Variants in REC114 observed in about 807,000 individuals in gnomAD.
REC114 encodes the protein meiotic recombination protein REC114.
REC114 carries 27 observed loss-of-function variants against 31.3 expected under a neutral mutation model. The observed-to-expected ratio is 0.86, with a 90% CI of 0.64 to 1.19. The LOEUF (loss-of-function observed/expected upper bound fraction) is 1.19. Ranked by LOEUF, REC114 falls within the 50% of genes most tolerant of loss-of-function variation. The pLI, the probability that REC114 is intolerant of heterozygous loss-of-function variation, is 0.00. For synonymous variants in REC114, 134 were observed against 127.7 expected, an observed-to-expected ratio of 1.05 and a Z score of -0.33; for missense variants, 344 against 326.9, an observed-to-expected ratio of 1.05 and a Z score of -0.40.
intron 2 of REC114, among the ~76,000 whole-genome samples, chr15:73,488,389 T>A (rs1215788402): frequency 6.6e-6 from 1 of 152,204 alleles, no homozygotes; most frequent in African/African-American, 2.4e-5. Context: ...GCTGAGAATT[T>A]TCCAAATCTT....
chr15:73,478,224 A>T (rs1893241344), intron 2 of REC114, among the ~76,000 whole-genome samples: 1 of 141,188 alleles, frequency 7.1e-6, no homozygotes. Flanking sequence ...ACACGGTGCC[A>T]CTGCACTCCA....
At chr15:73,527,062 T>C (rs528867330) in intron 2 of REC114, among the ~76,000 whole-genome samples, 1 of 152,256 alleles carries the variant, frequency 6.6e-6, no homozygotes, top group South Asian at 2.1e-4. Flanking sequence ...TCCTCCCATC[T>C]TGGGCTTCCA....
Position 73,473,066 on chromosome 15 carries a change from C to T in REC114, c.160-766C>T, listed in dbSNP as rs187627999. Among the ~76,000 whole-genome samples the T allele has an allele frequency of 4.1e-3, 630 of 152,118 alleles. 3 individuals carry two copies. The highest frequency in any genetic ancestry group is 6.8e-3 in the Non-Finnish European group (460 of 67,990). ...TGACACTGACAAACTAGAGCTCATC[C>T]AAAGGAAAGCACCAGATGTTAAGGG... is the stretch of plus-strand genomic sequence containing the variant. On this transcript the variant is annotated intron_variant, in intron 1 of 5. Coordinates refer to ENST00000331090, the MANE Select transcript of REC114 (RefSeq NM_001042367.2).
Position 73,550,920 on chromosome 15 carries a change from TTTTGA to T in REC114, c.334-13_334-9del, listed in dbSNP as rs1447272237. 7 of 1,612,502 alleles carry T rather than the reference TTTTGA, an allele frequency of 4.3e-6. No homozygotes were observed. The highest frequency in any genetic ancestry group is 1.3e-5 in the African/African-American group (1 of 74,882). Reference sequence around the variant, plus strand: ...TATGATGAGGGTCTCTCATGATAACTTTTGATTTGTCAAACAGGACAAGAGTCGCC... The same window carrying T: ...TATGATGAGGGTCTCTCATGATAACTTTTGTCAAACAGGACAAGAGTCGCC... On this transcript the variant is annotated splice_polypyrimidine_tract_variant and intron_variant, in intron 3 of 5. Transcript: ENST00000331090.
intron 2 of REC114, among the ~76,000 whole-genome samples, chr15:73,476,460 A>G (rs1338315726): frequency 2.0e-5 from 3 of 152,150 alleles, no homozygotes; most frequent in Admixed American, 6.6e-5. Flanking sequence ...TGCCTTTTTT[A>G]AAATAATTTT....
At chr15:73,513,929 C>G (rs1248208842) in intron 2 of REC114, among the ~76,000 whole-genome samples, 3 of 152,034 alleles carry the variant, frequency 2.0e-5, no homozygotes, top group Non-Finnish European at 4.4e-5. Flanking sequence ...AGAGGTGAAG[C>G]CTACAGTGGC....
intron 2 of REC114, among the ~76,000 whole-genome samples, chr15:73,523,946 T>C (rs906709834): frequency 1.3e-5 from 2 of 152,200 alleles, no homozygotes; most frequent in Non-Finnish European, 2.9e-5. Flanking sequence ...TTTGAAGAGA[T>C]TGTACTTCCT....
chr15:73,531,898 T>C (rs1180194012), intron 2 of REC114, among the ~76,000 whole-genome samples: 4 of 152,256 alleles, frequency 2.6e-5, no homozygotes, highest in East Asian at 3.9e-4. Flanking sequence ...GCTTCCACAT[T>C]ACTCTGTCCT....
intron 2 of REC114, among the ~76,000 whole-genome samples, chr15:73,494,362 C>T (rs978893781): frequency 5.3e-5 from 8 of 151,778 alleles, no homozygotes; most frequent in South Asian, 2.1e-4. Flanking sequence ...TGTGGTAGCA[C>T]GCACCTGTAG....
At chr15:73,451,420 G>T (rs1892846254) in intron 1 of REC114, among the ~76,000 whole-genome samples, 1 of 152,024 alleles carries the variant, frequency 6.6e-6, no homozygotes, top group Non-Finnish European at 1.5e-5. Context: ...ACCCTCCCAA[G>T]ACTAAACCAG....
chr15:73,494,456 C>T (rs1893488256), intron 2 of REC114, among the ~76,000 whole-genome samples: 1 of 150,996 alleles, frequency 6.6e-6, no homozygotes, highest in African/African-American at 2.4e-5. Context: ...CATGCCACTT[C>T]CCTCCAGCCT....
intron 2 of REC114, among the ~76,000 whole-genome samples, chr15:73,480,489 C>T (rs556157266): frequency 3.0e-4 from 46 of 151,838 alleles, no homozygotes; most frequent in African/African-American, 9.9e-4. Flanking sequence ...ATATATTTTG[C>T]CCCCTAAATT....
chr15:73,469,792 C>T (rs970635207), intron 1 of REC114, among the ~76,000 whole-genome samples: 9 of 150,220 alleles, frequency 6.0e-5, no homozygotes, highest in African/African-American at 2.0e-4. Context: ...TCACGCCATT[C>T]TCCTGCCTCA....
chr15:73,452,200 G>A (rs1269983630), intron 1 of REC114, among the ~76,000 whole-genome samples: 1 of 152,210 alleles, frequency 6.6e-6, no homozygotes, highest in Non-Finnish European at 1.5e-5. Context: ...AAATGTCTCT[G>A]TTTGCAGATG....
At chr15:73,463,541 C>T (rs572657482) in intron 1 of REC114, among the ~76,000 whole-genome samples, 2 of 152,304 alleles carry the variant, frequency 1.3e-5, no homozygotes, top group East Asian at 1.9e-4. Context: ...ATGAGTTAAG[C>T]TGGGCGCTGT....
intron 1 of REC114, among the ~76,000 whole-genome samples, chr15:73,453,561 C>G (rs908674475): frequency 2.0e-5 from 3 of 152,148 alleles, no homozygotes; most frequent in Non-Finnish European, 2.9e-5. Context: ...GACAGTGTGG[C>G]AATTCCTCAA....
At chr15:73,537,696 CAAT>C (rs1301160055) in intron 2 of REC114, among the ~76,000 whole-genome samples, 1 of 152,180 alleles carries the variant, frequency 6.6e-6, no homozygotes, top group African/African-American at 2.4e-5. Context: ...TAACATTAAA[CAAT>C]AATGTTGTCC....
intron 3 of REC114, among the ~76,000 whole-genome samples, chr15:73,549,110 A>G (rs988324684): frequency 1.3e-5 from 2 of 152,180 alleles, no homozygotes; most frequent in Non-Finnish European, 2.9e-5. Context: ...CTGTACAACA[A>G]ACTCCCATGA....
At chr15:73,540,455 G>C (rs769932066) in intron 2 of REC114, 30 bp from the exon 3 acceptor site, 1 of 1,527,206 alleles carries the variant, frequency 6.5e-7, no homozygotes, top group Non-Finnish European at 9.1e-7. Context: ...TTTTGTTTCT[G>C]TTGCTAATTT....
Sources: gnomAD v4.1 joint callset for allele counts (sites outside exome capture counted in the v4.1 genomes callset) on GRCh38, gnomAD v4.1.1 for gene constraint, MANE v1.5 for transcripts, NCBI Gene and HGNC (gene_info 2026-07-23, HGNC 2026-07-21) for gene names.